PDZD9: variants seen among roughly 807,000 people sequenced by gnomAD.
PDZD9 encodes PDZ domain-containing protein 9.
A neutral mutation model predicts 16.3 loss-of-function variants in PDZD9; 13 were observed. That is an observed-to-expected ratio of 0.80 (90% confidence interval 0.52 to 1.27). The LOEUF (loss-of-function observed/expected upper bound fraction) is 1.27, where lower values mean the gene tolerates loss of function less well. PDZD9 is among the 50% of genes most tolerant of loss of function. PDZD9 has a pLI of 0.00. For missense variants in PDZD9, 288 were observed against 310.9 expected, an observed-to-expected ratio of 0.93 and a Z score of 0.55; for synonymous variants, 120 against 111.0, an observed-to-expected ratio of 1.08 and a Z score of -0.51.
chr16:21,962,453 G>A, the PDZD9 span: 4 of 1,614,024 alleles, frequency 2.5e-6, no homozygotes, highest in African/African-American at 1.3e-5. Flanking sequence ...TTTATTTTCC[G>A]ATTCAGTGTG....
chr16:21,962,868 T>A, the PDZD9 span: 1 of 1,614,056 alleles, frequency 6.2e-7, no homozygotes, highest in Non-Finnish European at 8.5e-7. Flanking sequence ...GCTGTGGCCT[T>A]TCAGAATCCG....
chr16:21,996,868 G>C (rs185438707), intron 1 of PDZD9, among the ~76,000 whole-genome samples: 69 of 152,310 alleles, frequency 4.5e-4, no homozygotes, highest in Non-Finnish European at 8.5e-4. Flanking sequence ...TGTTGCCCAG[G>C]CTGGAGTGCA....
intron 2 of PDZD9, among the ~76,000 whole-genome samples, chr16:21,995,854 C>T (rs1418001094): frequency 2.9e-4 from 44 of 152,126 alleles, no homozygotes; most frequent in Admixed American, 2.5e-3. Flanking sequence ...TGCAGTGGCG[C>T]GATCTCAGCT....
chr16:21,976,899 C>T, the PDZD9 span: 1 of 152,138 alleles, frequency 6.6e-6, no homozygotes, highest in Admixed American at 6.5e-5. Context: ...ATTGGTGTGT[C>T]AAAATACACT....
the PDZD9 span, chr16:21,962,614 A>C: frequency 6.3e-7 from 1 of 1,593,386 alleles, no homozygotes; most frequent in Non-Finnish European, 8.6e-7. Flanking sequence ...TCTGACTTCC[A>C]TTTTGGATTA....
chr16:21,999,566 G>A (rs1237288373), intron 1 of PDZD9: 8 of 152,386 alleles, frequency 5.2e-5, no homozygotes, highest in African/African-American at 1.9e-4. Flanking sequence ...GCACCTGCCT[G>A]CCTAGTTCAG....
At chr16:21,981,772 A>G (rs1339861302), downstream of PDZD9, among the ~76,000 whole-genome samples, 1 of 152,052 alleles carries the variant, frequency 6.6e-6, no homozygotes, top group Admixed American at 6.5e-5. Context: ...CAAATAAAAA[A>G]GAGACAAGGC....
chr16:21,976,294 A>G, the PDZD9 span: 4 of 1,444,290 alleles, frequency 2.8e-6, no homozygotes, highest in South Asian at 2.3e-5. Flanking sequence ...TGAAAGTTGT[A>G]TTCTTTTCAG....
In PDZD9 at chr16:21,988,591, G is replaced by T; in HGVS notation, c.401+11C>A. On this transcript the variant is annotated intron_variant, in intron 3 of 3. Transcript: ENST00000424898. ...TATTATAACAAAGAGTTCCTAAAAT[G>T]AACTATTTACCTTGTTACTGGGAAT... The T allele has an allele frequency of 2.5e-6, 4 of 1,591,984 alleles. No homozygotes were observed. The highest frequency in any genetic ancestry group is 2.2e-5 in the South Asian group (2 of 89,716).
Position 21,996,383 on chromosome 16 carries a change from G to T in PDZD9, c.150C>A (p.Tyr50Ter), listed in dbSNP as rs760320768. 6.8e-5 allele frequency: 105 copies of T among 1,536,008 alleles called. No individual in the cohort carries two copies. Among genetic ancestry groups the T allele is most frequent in the Non-Finnish European group, 8.9e-5 (102 of 1,146,898 alleles). ...LGLIIIQHGPYLQITHLIRKG... is the reference protein window; with the variant it reads ...LGLIIIQHGP ...TCCTGATGAGGTGGGTGATCTGGAG[G>T]TAGGGTCCATGCTGGATGATGATGA... Residue 50 changes from tyrosine (Y) to a stop codon, truncating the protein, a stop_gained, in exon 2 of 4, where the codon TAC becomes TAA. Coordinates refer to ENST00000424898, the MANE Select transcript of PDZD9 (RefSeq NM_001363519.1). LOFTEE classifies it high-confidence loss of function.
downstream of PDZD9, among the ~76,000 whole-genome samples, chr16:21,981,605 A>C (rs1275073460): frequency 6.6e-6 from 1 of 151,886 alleles, no homozygotes; most frequent in East Asian, 2.0e-4. Flanking sequence ...AAGTACAAAA[A>C]TTAGCTAGGC....
the PDZD9 span, chr16:21,968,622 C>T: frequency 2.5e-6 from 4 of 1,599,652 alleles, no homozygotes; most frequent in Non-Finnish European, 3.4e-6. Flanking sequence ...TTTTTAACTT[C>T]CTCAGTTACA....
the PDZD9 span, among the ~76,000 whole-genome samples, chr16:21,978,541 A>G: frequency 2.6e-5 from 4 of 152,226 alleles, no homozygotes; most frequent in East Asian, 7.7e-4. Flanking sequence ...ATCATACCCT[A>G]TGCTCACAGA....
chr16:21,984,495 A>T lies in PDZD9; in HGVS notation c.567T>A (p.Tyr189Ter). Residue 189 changes from tyrosine (Y) to a stop codon, truncating the protein, a stop_gained, in exon 4 of 4, where the codon TAT becomes TAA. Coordinates refer to ENST00000424898, the MANE Select transcript of PDZD9 (RefSeq NM_001363519.1). LOFTEE classifies it low-confidence loss of function (END_TRUNC). Reference protein sequence around the residue: ...PISISRDWHGYKKKNHTISVG... With the variant: ...PISISRDWHG ...CACTAATAGTATGGTTCTTCTTCTT[A>T]TATCCATGCCAGTCTCTGGAGATGG... 1.9e-6 allele frequency: 3 copies of T among 1,610,674 alleles called. No individual in the cohort carries two copies.
chr16:21,960,982 C>T, the PDZD9 span, among the ~76,000 whole-genome samples: 1 of 152,282 alleles, frequency 6.6e-6, no homozygotes, highest in South Asian at 2.1e-4. Flanking sequence ...AGGCACATGA[C>T]TCCATGCCTG....
intron 3 of PDZD9, among the ~76,000 whole-genome samples, chr16:21,987,181 A>G (rs1898895974): frequency 6.6e-6 from 1 of 152,196 alleles, no homozygotes; most frequent in African/African-American, 2.4e-5. Context: ...ACACTTTGAG[A>G]GGCCGAGGCA....
At chr16:21,980,781 C>A (rs921251813), downstream of PDZD9, 4 of 1,523,138 alleles carry the variant, frequency 2.6e-6, no homozygotes, top group African/African-American at 1.4e-5. Context: ...CATAAGCGTC[C>A]TTGGGCAGTG....
downstream of PDZD9, among the ~76,000 whole-genome samples, chr16:21,981,942 G>A (rs1033838746): frequency 1.3e-5 from 2 of 150,310 alleles, no homozygotes; most frequent in South Asian, 2.1e-4. Flanking sequence ...CCGGGTTCAC[G>A]CCATTTTCCT....
intron 3 of PDZD9, among the ~76,000 whole-genome samples, chr16:21,987,811 C>G (rs569425431): frequency 2.0e-5 from 3 of 152,052 alleles, no homozygotes; most frequent in East Asian, 3.9e-4. Context: ...ACAGAGGTGT[C>G]TAATACAGCT....
Sources: allele counts gnomAD v4.1 joint callset (sites outside exome capture counted in the v4.1 genomes callset), GRCh38; gene constraint gnomAD v4.1.1; transcripts MANE v1.5; gene names NCBI Gene and HGNC (gene_info 2026-07-23, HGNC 2026-07-21).